The following FURIN variants were observed in gnomAD, a reference collection of about 807,000 sequenced individuals.
The protein encoded by FURIN is FES upstream region.
In FURIN, 18 loss-of-function variants were observed where a neutral mutation model predicts 89.2. The observed-to-expected ratio is 0.20, with a 90% CI of 0.14 to 0.30. FURIN has a LOEUF of 0.30. FURIN is among the 10% of genes least tolerant of loss of function. The probability of loss-of-function intolerance (pLI) is 1.00; values close to 1 mark genes in which losing one functional copy is unlikely to be tolerated. For missense variants in FURIN, 879 were observed against 1,100.5 expected (o/e 0.80, Z 2.85); for synonymous variants, 508 against 466.4 (o/e 1.09, Z -1.15).
In FURIN at chr15:90,881,893, AC is replaced by A. The variant is rs761095034; in HGVS notation, c.*20del. 1.8e-5 allele frequency: 28 copies of A among 1,539,914 alleles called. No homozygotes were observed. Among genetic ancestry groups the A allele is most frequent in the Non-Finnish European group, 2.4e-5 (27 of 1,128,514 alleles). On this transcript the variant is annotated 3_prime_UTR_variant, in exon 16 of 16. Coordinates refer to ENST00000268171, the MANE Select transcript of FURIN (RefSeq NM_002569.4). This position sits in a 1 kb window ranked among gnomAD's most constrained non-coding sequence, Gnocchi z 4.3. Reference sequence around the variant, plus strand: ...GCGCCCTCTGATGAGCCCACTGCCCACCCCCTCAAGCCAATCCCCTCCTTGG... The same window carrying A: ...GCGCCCTCTGATGAGCCCACTGCCCACCCCTCAAGCCAATCCCCTCCTTGG...
chr15:90,879,689 G>T lies in FURIN; in HGVS notation c.1173G>T (p.Arg391=). The change falls in exon 11 of 16, where the codon CGG becomes CGT. Residue 391 remains arginine (R), a synonymous_variant. Coordinates refer to ENST00000268171, the MANE Select transcript of FURIN (RefSeq NM_002569.4). ...TLEANKNLTW[R]DMQHLVVQTS... ...TTTGCAGTAAGAACCTCACATGGCG[G>T]GACATGCAACACCTGGTGGTACAGA... 1 of 1,613,392 alleles carries T rather than the reference G, an allele frequency of 6.2e-7. No homozygotes were observed. The highest frequency in any genetic ancestry group is 1.3e-5 in the African/African-American group (1 of 75,058).
Position 90,875,760 on chromosome 15 carries a change from T to G in FURIN, c.20T>G (p.Leu7Trp). MELRPW[L>W]LWVVAATGTL... Reference sequence around the variant, plus strand: ...CCCCCCATGGAGCTGAGGCCCTGGTTGCTATGGGTGGTAGCAGCAACAGGA... The same window carrying G: ...CCCCCCATGGAGCTGAGGCCCTGGTGGCTATGGGTGGTAGCAGCAACAGGA... Residue 7 changes from leucine to tryptophan, a missense_variant, in exon 2 of 16, where the codon TTG (leucine) becomes TGG (tryptophan). Around this residue, in one of 5 missense-constraint regions of FURIN, gnomAD observed 125 missense variants for 125.0 expected, o/e 1.00. Coordinates refer to ENST00000268171, the MANE Select transcript of FURIN (RefSeq NM_002569.4). 1 of 1,551,192 alleles carries G rather than the reference T, an allele frequency of 6.4e-7. No homozygotes were observed. Among genetic ancestry groups the G allele is most frequent in the South Asian group, 1.2e-5 (1 of 83,850 alleles).
At chr15:90,869,087 G>A (rs571578587) in intron 1 of FURIN, among the ~76,000 whole-genome samples, 47 of 152,270 alleles carry the variant, frequency 3.1e-4, no homozygotes, top group African/African-American at 1.1e-3. Flanking sequence ...CTCTGGATTA[G>A]CCCCAAATCA....
chr15:90,877,166 A>T lies in FURIN; in HGVS notation c.533A>T (p.Gln178Leu), dbSNP rs1221291256. The change falls in exon 6 of 16, where the codon CAG (glutamine) becomes CTG (leucine). Residue 178 changes from glutamine to leucine, a missense_variant. Gln to Leu is a moderately radical substitution (Grantham distance 113). Coordinates refer to ENST00000268171, the MANE Select transcript of FURIN (RefSeq NM_002569.4). ...GGGGCCAGTTTTGATGTCAATGACC[A>T]GGACCCTGACCCCCAGCCTCGGTAC... ...DPGASFDVND[Q>L]DPDPQPRYTQ... The T allele has an allele frequency of 6.2e-7, 1 of 1,612,524 alleles. No homozygotes were observed. The highest frequency in any genetic ancestry group is 8.5e-7 in the Non-Finnish European group (1 of 1,179,120).
rs573376090 is a variant in FURIN at position 90,877,670 on chromosome 15, T to C, written c.667+55T>C. ...CAGGAGGGCCCTTCAGTGGAATTTT[T>C]CCCGCCCACTTCCCATCTGGCCAAT... On this transcript the variant is annotated intron_variant, in intron 7 of 15. Coordinates refer to ENST00000268171, the MANE Select transcript of FURIN (RefSeq NM_002569.4). 4.0e-6 allele frequency: 5 copies of C among 1,246,554 alleles called. No individual in the cohort carries two copies. The African/African-American group carries it at 6.0e-5, about 15-fold the overall frequency. 77.2% of individuals were successfully genotyped at this position (1,246,554 alleles called of 1,614,324 possible). A position where few individuals can be genotyped will look rare whatever the true frequency, so the allele number is the denominator to read the frequency against.
chr15:90,871,201 G>A (rs944273068), intron 1 of FURIN, among the ~76,000 whole-genome samples: 1 of 152,144 alleles, frequency 6.6e-6, no homozygotes, highest in Non-Finnish European at 1.5e-5. Context: ...GACGGAGAGG[G>A]CCAGTCCCCC....
rs941667609 is a variant in FURIN at position 90,875,813 on chromosome 15, C to G, written c.73C>G (p.Gln25Glu). Reference sequence around the variant, plus strand: ...CTTGGTCCTGCTAGCAGCTGATGCTCAGGGCCAGAAGGTCTTCACCAACAC... The same window carrying G: ...CTTGGTCCTGCTAGCAGCTGATGCTGAGGGCCAGAAGGTCTTCACCAACAC... ...GTLVLLAADA[Q>E]GQKVFTNTWA... is the part of the protein sequence containing the mutation. The change falls in exon 2 of 16, where the codon CAG becomes GAG. Residue 25 changes from glutamine (Q) to glutamate (E), a missense_variant. Gln to Glu is a conservative substitution (Grantham distance 29). Transcript: ENST00000268171. The G allele has an allele frequency of 6.4e-7, 1 of 1,564,928 alleles. No individual in the cohort carries two copies.
chr15:90,877,694 A>G (rs2031713150), intron 7 of FURIN, 79 bp downstream of exon 7: 7 of 978,314 alleles, frequency 7.2e-6, no homozygotes, highest in South Asian at 1.6e-5. Context: ...CATCTGGCCA[A>G]TGCCTGCCAC....
chr15:90,876,386 C>A lies in FURIN; in HGVS notation c.276+33C>A. ...TGGCCCCAGCCCCCTCCTGCTGCCACCCTCCCCCTCCTGCTCTCAGGAGCC... is the reference window on the plus strand; with the variant it reads ...TGGCCCCAGCCCCCTCCTGCTGCCAACCTCCCCCTCCTGCTCTCAGGAGCC... On this transcript the variant is annotated intron_variant, in intron 3 of 15. Coordinates refer to ENST00000268171, the MANE Select transcript of FURIN (RefSeq NM_002569.4). The surrounding 1 kb of genome is among the most constrained non-coding windows in gnomAD (Gnocchi z 5.0). The A allele has an allele frequency of 1.3e-6, 2 of 1,524,596 alleles. No individual in the cohort carries two copies. Among genetic ancestry groups the A allele is most frequent in the African/African-American group, 1.4e-5 (1 of 73,116 alleles). The allele number at this position is 1,524,596 out of a possible 1,614,324, so 94.4% of individuals were successfully genotyped here.
chr15:90,876,748 C>T lies in FURIN; in HGVS notation c.373-148C>T. ...GGCCCTCCCAGAGTCCTCTACATTC[C>T]CATGGAGTCCAGACAGCCAGTGGCG... On this transcript the variant is annotated intron_variant, in intron 4 of 15. Transcript: ENST00000268171. The surrounding 1 kb of genome is among the most constrained non-coding windows in gnomAD (Gnocchi z 5.0). 1 of 933,304 alleles carries T rather than the reference C, an allele frequency of 1.1e-6. No individual in the cohort carries two copies. 57.8% of individuals were successfully genotyped at this position (933,304 alleles called of 1,614,324 possible).
chr15:90,879,104 A>G (rs2031797301), intron 9 of FURIN, 128 bp downstream of exon 9: 2 of 646,750 alleles, frequency 3.1e-6, no homozygotes, highest in Admixed American at 2.6e-5. Flanking sequence ...GGCATCATGC[A>G]ACATGAACTC....
At chr15:90,870,242 T>A (rs1253681002) in intron 1 of FURIN, among the ~76,000 whole-genome samples, 1 of 152,178 alleles carries the variant, frequency 6.6e-6, no homozygotes, top group African/African-American at 2.4e-5. Context: ...GCCCCAGGGA[T>A]TTGAACCGGT....
At chr15:90,877,411 G>A in intron 6 of FURIN, 116 bp from the exon 7 acceptor site, 1 of 927,834 alleles carries the variant, frequency 1.1e-6, no homozygotes, top group South Asian at 1.6e-5. Context: ...TGGGGGCTGG[G>A]TACTCAGGGG....
intron 7 of FURIN, 28 bp downstream of exon 7, chr15:90,877,643 T>C (rs1380635990): frequency 6.9e-7 from 1 of 1,454,606 alleles, no homozygotes; most frequent in Admixed American, 2.0e-5. Context: ...CCACCCTGTC[T>C]TCAGGAGGGC....
intron 1 of FURIN, chr15:90,872,776 C>G (rs1239655509): frequency 6.6e-6 from 1 of 152,202 alleles, no homozygotes; most frequent in Non-Finnish European, 1.5e-5. Flanking sequence ...AACAGGACCC[C>G]GCGTGGTGTC....
At position 90,880,117 on chromosome 15, in the gene FURIN, T is replaced by C. The variant is rs745399753; in HGVS notation, c.1400T>C (p.Val467Ala). Residue 467 changes from valine (V) to alanine (A), a missense_variant, in exon 13 of 16, where the codon GTG (valine) becomes GCG (alanine). By Grantham distance (64) the Val-to-Ala change is moderately conservative (BLOSUM62 0). Coordinates refer to ENST00000268171, the MANE Select transcript of FURIN (RefSeq NM_002569.4). Reference protein sequence around the residue: ...EPKDIGKRLEVRKTVTACLGE... With the variant: ...EPKDIGKRLEARKTVTACLGE... ...AGAGACATCGGGAAACGGCTCGAGG[T>C]GCGGAAGACCGTGACCGCGTGCCTG... 6.2e-6 allele frequency: 10 copies of C among 1,606,814 alleles called. No individual in the cohort carries two copies. The African/African-American group carries it at 1.1e-4, about 17-fold the overall frequency.
rs146069392 is a variant in FURIN, at chr15:90,876,934, C to T, written c.411C>T (p.Ala137=). 6.2e-7 allele frequency: 1 copy of T among 1,614,112 alleles called. No homozygotes were observed. The highest frequency in any genetic ancestry group is 8.5e-7 in the Non-Finnish European group (1 of 1,179,956). The change falls in exon 5 of 16, where the codon GCC becomes GCT. Residue 137 remains alanine, a synonymous_variant. Coordinates refer to ENST00000268171, the MANE Select transcript of FURIN (RefSeq NM_002569.4). The surrounding 1 kb of genome is among the most constrained non-coding windows in gnomAD (Gnocchi z 5.0). ...VTQRDLNVKA[A]WAQGYTGHGI... ...AGCGGGACCTGAATGTGAAGGCGGCCTGGGCGCAGGGCTACACAGGGCACG... is the reference window on the plus strand; with the variant it reads ...AGCGGGACCTGAATGTGAAGGCGGCTTGGGCGCAGGGCTACACAGGGCACG...
Position 90,876,831 on chromosome 15 carries a change from C to T in FURIN, c.373-65C>T. On this transcript the variant is annotated intron_variant, in intron 4 of 15. Coordinates refer to ENST00000268171, the MANE Select transcript of FURIN (RefSeq NM_002569.4). This position sits in a 1 kb window ranked among gnomAD's most constrained non-coding sequence, Gnocchi z 5.0. ...GTTTTACGGGGGCAAAGGGATTCTT[C>T]AAGATGCTCCTAGCCTCACAAAACC... 6.4e-7 allele frequency: 1 copy of T among 1,568,208 alleles called. No individual in the cohort carries two copies. The highest frequency in any genetic ancestry group is 2.2e-5 in the East Asian group (1 of 44,500).
At chr15:90,880,637 C>T in intron 13 of FURIN, 54 bp from the exon 14 acceptor site, 3 of 1,564,066 alleles carry the variant, frequency 1.9e-6, no homozygotes, top group African/African-American at 1.4e-5. Flanking sequence ...GGTTAGATGT[C>T]CCTGGCTTGG....
Sources: allele counts gnomAD v4.1 joint callset (sites outside exome capture counted in the v4.1 genomes callset), GRCh38; gene constraint gnomAD v4.1.1; regional missense constraint gnomAD v4.1.1; non-coding constraint Gnocchi (gnomAD v3.1); transcripts MANE v1.5; gene names NCBI Gene and HGNC (gene_info 2026-07-23, HGNC 2026-07-21).